The following CHD6 variants were observed in gnomAD, a reference collection of about 807,000 sequenced individuals.
CHD6 encodes the protein chromodomain helicase DNA binding protein 6.
CHD6 carries 50 observed loss-of-function variants against 276.9 expected under a neutral mutation model. The observed-to-expected ratio is 0.18, with a 90% CI of 0.14 to 0.23. CHD6 has a LOEUF of 0.23. CHD6 is among the 10% of genes least tolerant of loss of function. The pLI, the probability that CHD6 is intolerant of heterozygous loss-of-function variation, is 1.00. For synonymous variants in CHD6, 1,173 were observed against 1,229.3 expected (o/e 0.95, Z 0.96); for missense variants, 2,564 against 3,365.8 (o/e 0.76, Z 5.89).
intron 1 of CHD6, among the ~76,000 whole-genome samples, chr20:41,603,968 G>A (rs982765589): frequency 1.4e-4 from 20 of 142,476 alleles, no homozygotes; most frequent in Non-Finnish European, 1.5e-5. Flanking sequence ...CTTACCCTGG[G>A]TTCACCTATT....
chr20:41,591,872 G>A (rs994525465), intron 1 of CHD6, among the ~76,000 whole-genome samples: 1 of 152,180 alleles, frequency 6.6e-6, no homozygotes, highest in Non-Finnish European at 1.5e-5. Flanking sequence ...GGCCAAGGCA[G>A]GCAGATCACA....
chr20:41,594,573 T>C (rs767511706), intron 1 of CHD6, among the ~76,000 whole-genome samples: 4 of 152,230 alleles, frequency 2.6e-5, no homozygotes, highest in Non-Finnish European at 5.9e-5. Flanking sequence ...CTACCACCCA[T>C]TGTGATTATT....
intron 16 of CHD6, 51 bp downstream of exon 16, chr20:41,483,258 A>C (rs1386887396): frequency 9.6e-6 from 14 of 1,455,320 alleles, no homozygotes; most frequent in African/African-American, 1.4e-5. Flanking sequence ...AAAATATCAA[A>C]GGAAAGGAAC....
chr20:41,476,252 T>C (rs1213164508), intron 16 of CHD6, among the ~76,000 whole-genome samples: 9 of 152,154 alleles, frequency 5.9e-5, no homozygotes, highest in Non-Finnish European at 1.3e-4. Flanking sequence ...GTGACAACTG[T>C]ATTTTTAACA....
chr20:41,529,552 T>A (rs1284887547), intron 3 of CHD6, among the ~76,000 whole-genome samples: 5 of 152,110 alleles, frequency 3.3e-5, no homozygotes, highest in African/African-American at 1.2e-4. Context: ...ATCTGAACTC[T>A]GATATATATC....
Position 41,452,640 on chromosome 20 carries a change from C to T in CHD6, c.3323+100G>A. ...CAGATCCCCCTTTGCCCTATAATTC[C>T]AAAGGTGACTGGAGAGACATCCTAG... is the stretch of plus-strand genomic sequence containing the variant. On this transcript the variant is annotated intron_variant, in intron 21 of 36. Coordinates refer to ENST00000373233, the MANE Select transcript of CHD6 (RefSeq NM_032221.5). This position sits in a 1 kb window ranked among gnomAD's most constrained non-coding sequence, Gnocchi z 4.2. 2 of 1,083,830 alleles carry T rather than the reference C, an allele frequency of 1.8e-6. No individual in the cohort carries two copies. Among genetic ancestry groups the T allele is most frequent in the Non-Finnish European group, 2.7e-6 (2 of 739,126 alleles). The allele number at this position is 1,083,830 out of a possible 1,614,324, so 67.1% of individuals were successfully genotyped here. A position where few individuals can be genotyped will look rare whatever the true frequency, so the allele number is the denominator to read the frequency against.
chr20:41,488,526 A>G lies in CHD6; in HGVS notation c.1759T>C (p.Leu587=). The change falls in exon 13 of 37, where the codon TTG becomes CTG. Residue 587 remains leucine, a synonymous_variant. Transcript: ENST00000373233. ...ACACAGCTCCAGTGAATCTTCTTCA[A>G]CTCTGGGCAGTCTGCTAGGATCATT... is the stretch of plus-strand genomic sequence containing the variant. ...FEMILADCPE[L]KKIHWSCVII... The G allele has an allele frequency of 6.2e-7, 1 of 1,613,848 alleles. No homozygotes were observed. The highest frequency in any genetic ancestry group is 8.5e-7 in the Non-Finnish European group (1 of 1,179,846).
intron 1 of CHD6, among the ~76,000 whole-genome samples, chr20:41,587,240 ATACT>A (rs2045605717): frequency 1.3e-5 from 2 of 152,258 alleles, no homozygotes; most frequent in Admixed American, 1.3e-4. Flanking sequence ...ACTTAGAGAA[ATACT>A]TAGAGACAAC....
At chr20:41,501,242 A>G (rs1246313018) in intron 5 of CHD6, among the ~76,000 whole-genome samples, 3 of 152,234 alleles carry the variant, frequency 2.0e-5, no homozygotes, top group Non-Finnish European at 4.4e-5. Context: ...AGGAACTATC[A>G]GGCATGCTAA....
chr20:41,515,018 C>G, intron 3 of CHD6, 66 bp from the exon 4 acceptor site: 1 of 1,530,528 alleles, frequency 6.5e-7, no homozygotes, highest in Non-Finnish European at 9.0e-7. Flanking sequence ...CTCATGTGAT[C>G]AACGTCATGA....
chr20:41,548,209 G>A (rs1450394538), intron 2 of CHD6, among the ~76,000 whole-genome samples: 2 of 152,120 alleles, frequency 1.3e-5, no homozygotes, highest in Non-Finnish European at 2.9e-5. Flanking sequence ...AGAGGAGCAG[G>A]ATCAAGTCTT....
At chr20:41,564,877 C>T (rs1462843986) in intron 1 of CHD6, among the ~76,000 whole-genome samples, 1 of 152,074 alleles carries the variant, frequency 6.6e-6, no homozygotes, top group Non-Finnish European at 1.5e-5. Context: ...TGAATTGAAT[C>T]TTCTATGTAA....
intron 1 of CHD6, among the ~76,000 whole-genome samples, chr20:41,582,138 T>G (rs1447807010): frequency 6.6e-6 from 1 of 151,668 alleles, no homozygotes; most frequent in Non-Finnish European, 1.5e-5. Context: ...ATTCAATTAC[T>G]TAAAAAAAAA....
chr20:41,555,576 G>GAT (rs1328285093), intron 1 of CHD6, among the ~76,000 whole-genome samples: 9 of 150,856 alleles, frequency 6.0e-5, no homozygotes, highest in Non-Finnish European at 1.0e-4. Flanking sequence ...CTTCTCAGAC[G>GAT]GGGCGGCCGG....
chr20:41,582,879 A>T (rs2045555425), intron 1 of CHD6, among the ~76,000 whole-genome samples: 1 of 152,184 alleles, frequency 6.6e-6, no homozygotes, highest in Non-Finnish European at 1.5e-5. Flanking sequence ...AACACTCTAC[A>T]CAGTCAAGGA....
In CHD6 at chr20:41,421,793, G is replaced by A. The variant is rs761744792; in HGVS notation, c.4842C>T (p.Asn1614=). 15 of 1,614,230 alleles carry A rather than the reference G, an allele frequency of 9.3e-6. No individual in the cohort carries two copies. Among genetic ancestry groups the A allele is most frequent in the Admixed American group, 1.7e-5 (1 of 60,030 alleles). ...PQLSFLDAYR[N]YAQHKRSGTQ... ...TGCCAGATCTTTTATGCTGGGCATA[G>A]TTTCTATAGGCATCCAGGAAGGACA... The change falls in exon 31 of 37, where the codon AAC becomes AAT. Residue 1614 remains asparagine (N), a synonymous_variant. Coordinates refer to ENST00000373233, the MANE Select transcript of CHD6 (RefSeq NM_032221.5).
intron 2 of CHD6, among the ~76,000 whole-genome samples, chr20:41,543,208 T>C (rs1368007765): frequency 6.6e-6 from 1 of 152,104 alleles, no homozygotes; most frequent in Non-Finnish European, 1.5e-5. Context: ...AAAACAACCT[T>C]AAGATAGAGG....
chr20:41,451,338 A>C (rs766765451), intron 22 of CHD6, among the ~76,000 whole-genome samples: 12 of 152,194 alleles, frequency 7.9e-5, no homozygotes, highest in Non-Finnish European at 1.3e-4. Flanking sequence ...AAGATTTCCC[A>C]AGTACCCTGT....
chr20:41,465,971 G>A (rs2145742184), intron 17 of CHD6, among the ~76,000 whole-genome samples: 2 of 152,334 alleles, frequency 1.3e-5, no homozygotes, highest in East Asian at 3.9e-4. Context: ...TTGGGAGGCT[G>A]AGGTGGGTGG....
Sources: allele counts gnomAD v4.1 joint callset (sites outside exome capture counted in the v4.1 genomes callset), GRCh38; gene constraint gnomAD v4.1.1; non-coding constraint Gnocchi (gnomAD v3.1); transcripts MANE v1.5; gene names NCBI Gene and HGNC (gene_info 2026-07-23, HGNC 2026-07-21).